Variants in ST7 observed in about 807,000 individuals in gnomAD.
ST7 encodes suppressor of tumorigenicity 7 protein.
ST7 carries 28 observed loss-of-function variants against 78.7 expected under a neutral mutation model. The ratio of observed to expected loss-of-function variants is 0.36; its 90% confidence interval spans 0.26 to 0.49. ST7 has a LOEUF of 0.49. Among genes scored for constraint, ST7 ranks in the 20% least tolerant of loss-of-function variants. The pLI is 0.99. For missense variants in ST7, 418 were observed against 696.0 expected (o/e 0.60, Z 4.49); for synonymous variants, 247 against 249.6 (o/e 0.99, Z 0.10).
At chr7:117,112,358 A>G (rs1802503986) in intron 2 of ST7, 1 of 152,214 alleles carries the variant, frequency 6.6e-6, no homozygotes, top group African/African-American at 2.4e-5. Context: ...AGCACTTTGC[A>G]TATATTATTT....
At chr7:117,094,098 G>A (rs1370609832) in intron 1 of ST7, among the ~76,000 whole-genome samples, 2 of 152,188 alleles carry the variant, frequency 1.3e-5, no homozygotes, top group Non-Finnish European at 2.9e-5. Flanking sequence ...TTGGATCCAT[G>A]TTAATTTGTC....
chr7:117,051,059 C>G (rs1295732891), intron 1 of ST7, among the ~76,000 whole-genome samples: 1 of 152,082 alleles, frequency 6.6e-6, no homozygotes, highest in Non-Finnish European at 1.5e-5. Flanking sequence ...CAGACCTACA[C>G]AGTTCAAATT....
At chr7:117,006,482 AT>A (rs1473027924) in intron 1 of ST7, among the ~76,000 whole-genome samples, 5 of 152,190 alleles carry the variant, frequency 3.3e-5, no homozygotes, top group Non-Finnish European at 7.3e-5. Context: ...CCTTCTTTAT[AT>A]TTTTATGTCT....
intron 9 of ST7, among the ~76,000 whole-genome samples, chr7:117,169,209 C>T (rs1046575214): frequency 4.0e-5 from 6 of 149,660 alleles, no homozygotes; most frequent in Non-Finnish European, 8.9e-5. Context: ...GATCTCAGCT[C>T]ACTGCAACCT....
At chr7:117,035,129 T>G (rs992717634) in intron 1 of ST7, among the ~76,000 whole-genome samples, 199 of 151,846 alleles carry the variant, frequency 1.3e-3, no homozygotes, top group African/African-American at 4.3e-3. Flanking sequence ...GTTTTTTTTT[T>G]TTTTTTTTTT....
In ST7 at chr7:117,074,489, C is replaced by T. The variant is rs79013841; in HGVS notation, c.152-25273C>T. 2.9e-3 allele frequency among the ~76,000 whole-genome samples: 436 copies of T among 149,616 alleles called. 6 individuals carry two copies. The East Asian group carries it at 0.042, about 14-fold the overall frequency. ...GGCAGTTAGGAAAAGTAAATCACAC[C>T]GAAACTGTTTATGGCGACCCCCCTC... On this transcript the variant is annotated intron_variant, in intron 1 of 15. Coordinates refer to ENST00000323984, the MANE Select transcript of ST7 (RefSeq NM_001369598.1).
chr7:116,979,399 G>A (rs1036489093), intron 1 of ST7, among the ~76,000 whole-genome samples: 1 of 152,196 alleles, frequency 6.6e-6, no homozygotes, highest in African/African-American at 2.4e-5. Flanking sequence ...ATAAGCTTGT[G>A]TAAATGAAAG....
intron 2 of ST7, among the ~76,000 whole-genome samples, chr7:117,106,779 C>A (rs1030982153): frequency 2.6e-5 from 4 of 151,886 alleles, no homozygotes; most frequent in Admixed American, 1.3e-4. Context: ...CGCCACCATG[C>A]CCGGCTAATT....
chr7:117,103,294 G>C (rs1365655998), intron 2 of ST7, among the ~76,000 whole-genome samples: 3 of 152,062 alleles, frequency 2.0e-5, no homozygotes, highest in Non-Finnish European at 4.4e-5. Flanking sequence ...TGAATAGCCA[G>C]AGCAATCCTG....
At position 117,129,762 on chromosome 7, in the gene ST7, C is replaced by G. The variant is rs201299981; in HGVS notation, c.395-31C>G. On this transcript the variant is annotated intron_variant, in intron 3 of 15. Coordinates refer to ENST00000323984, the MANE Select transcript of ST7 (RefSeq NM_001369598.1). ...AGCTTGTAGTGTCACTGAACTTACG[C>G]GTAACATTTTCATATTTCTCTTTGT... 2.9e-5 allele frequency: 46 copies of G among 1,576,540 alleles called. No individual in the cohort carries two copies. The Admixed American group carries it at 4.1e-4, about 14-fold the overall frequency.
At chr7:117,059,077 T>G (rs926736036) in intron 1 of ST7, among the ~76,000 whole-genome samples, 1 of 152,186 alleles carries the variant, frequency 6.6e-6, no homozygotes, top group Admixed American at 6.5e-5. Flanking sequence ...GTGGAGATAG[T>G]TAATGGGTAC....
chr7:117,136,334 A>C, intron 8 of ST7, 99 bp downstream of exon 8: 2 of 1,424,762 alleles, frequency 1.4e-6, no homozygotes, highest in Non-Finnish European at 2.0e-6. Flanking sequence ...ATTCTCCTAG[A>C]CAAGAGAAAA....
intron 1 of ST7, among the ~76,000 whole-genome samples, chr7:117,008,161 G>A (rs1332463769): frequency 6.6e-6 from 1 of 152,188 alleles, no homozygotes; most frequent in Admixed American, 6.5e-5. Flanking sequence ...AACCCTTAAT[G>A]AGGTAGGTAT....
chr7:117,004,592 C>T (rs1022922678), intron 1 of ST7, among the ~76,000 whole-genome samples: 2 of 151,838 alleles, frequency 1.3e-5, no homozygotes. Context: ...TCCCGGGAGG[C>T]GGAGGTTGCA....
At chr7:117,179,797 G>T (rs1808613284) in intron 10 of ST7, among the ~76,000 whole-genome samples, 1 of 152,012 alleles carries the variant, frequency 6.6e-6, no homozygotes, top group African/African-American at 2.4e-5. Flanking sequence ...GGCTTCAGTC[G>T]AGCCCAGAGT....
At chr7:117,134,254 G>A (rs1311454073) in intron 7 of ST7, 62 bp downstream of exon 7, 1 of 1,605,784 alleles carries the variant, frequency 6.2e-7, no homozygotes, top group East Asian at 2.2e-5. Context: ...GTGGATATCT[G>A]GATGGTTGAC....
intron 1 of ST7, chr7:116,972,641 T>A (rs1220509858): frequency 1.6e-6 from 2 of 1,217,836 alleles, no homozygotes; most frequent in East Asian, 4.7e-5. Context: ...ATAAACTTCA[T>A]ACCTCTCTCA....
intron 1 of ST7, among the ~76,000 whole-genome samples, chr7:116,962,205 G>T (rs1792871413): frequency 6.6e-6 from 1 of 152,078 alleles, no homozygotes; most frequent in African/African-American, 2.4e-5. Flanking sequence ...ATTTGGGTTG[G>T]TTCCATGTCT....
At chr7:117,132,034 G>C in intron 6 of ST7, 74 bp downstream of exon 6, 1 of 1,375,994 alleles carries the variant, frequency 7.3e-7, no homozygotes. Flanking sequence ...GCCATTGATA[G>C]GATACTTAAA....
Sources: gnomAD v4.1 joint callset for allele counts (sites outside exome capture counted in the v4.1 genomes callset) on GRCh38, gnomAD v4.1.1 for gene constraint, MANE v1.5 for transcripts, NCBI Gene and HGNC (gene_info 2026-07-23, HGNC 2026-07-21) for gene names.